The following ZIC2 variants were observed in gnomAD, a reference collection of about 807,000 sequenced individuals.
The protein encoded by ZIC2 is Zic family zinc finger 2.
Under a neutral mutation model 29.5 loss-of-function variants are expected in ZIC2, and 7 were observed. The ratio of observed to expected loss-of-function variants is 0.24; its 90% CI spans 0.14 to 0.45. ZIC2 has a LOEUF of 0.45. Among genes scored for constraint, ZIC2 ranks in the 20% least tolerant of loss-of-function variants. The pLI, the probability that ZIC2 is intolerant of heterozygous loss-of-function variation, is 1.00. For synonymous variants in ZIC2, 408 were observed against 354.2 expected (o/e 1.15, Z -1.70); for missense variants, 589 against 781.2 (o/e 0.75, Z 2.93).
chr13:99,983,825 G>T lies in ZIC2; in HGVS notation c.1075+686G>T, dbSNP rs537322052. On this transcript the variant is annotated intron_variant, in intron 1 of 2. Coordinates refer to ENST00000376335, the MANE Select transcript of ZIC2 (RefSeq NM_007129.5). The surrounding 1 kb of genome is among the most constrained non-coding windows in gnomAD (Gnocchi z 4.7). ...GTCAGCTAGAGCCCCAGGCAGCGCG[G>T]CCCCGCGGGGGGATCGCGTGAGAAG... 3.7e-4 allele frequency among the ~76,000 whole-genome samples: 56 copies of T among 152,360 alleles called. 1 individual carries two copies. The East Asian group carries it at 9.1e-3, about 25-fold the overall frequency.
chr13:99,982,556 G>C lies in ZIC2; in HGVS notation c.492G>C (p.Glu164Asp). Reference sequence around the variant, plus strand: ...ACCTCCTCTTCCCGGGCCTGCCAGAGCAGCACGGGCCGCACGGCTCGCAGA... The same window carrying C: ...ACCTCCTCTTCCCGGGCCTGCCAGACCAGCACGGGCCGCACGGCTCGCAGA... ...QGHLLFPGLP[E>D]QHGPHGSQNV... The change falls in exon 1 of 3, where the codon GAG (glutamate) becomes GAC (aspartate). Residue 164 changes from glutamate to aspartate, a missense_variant. By Grantham distance (45) the Glu-to-Asp change is conservative. Transcript: ENST00000376335. 6.4e-7 allele frequency: 1 copy of C among 1,553,860 alleles called. No individual in the cohort carries two copies. Among genetic ancestry groups the C allele is most frequent in the Non-Finnish European group, 8.7e-7 (1 of 1,154,240 alleles).
rs1166883330 is a variant in ZIC2 at position 99,982,670 on chromosome 13, C to T, written c.606C>T (p.Thr202=). ...EQYRQVASPR[T]DPYSAAQLHN... ...ACCGCCAGGTGGCCAGCCCGCGGACCGACCCCTACTCGGCGGCGCAACTCC... is the reference window on the plus strand; with the variant it reads ...ACCGCCAGGTGGCCAGCCCGCGGACTGACCCCTACTCGGCGGCGCAACTCC... Residue 202 remains threonine (T), a synonymous_variant, in exon 1 of 3, where the codon ACC becomes ACT. Coordinates refer to ENST00000376335, the MANE Select transcript of ZIC2 (RefSeq NM_007129.5). 1.3e-6 allele frequency: 2 copies of T among 1,599,958 alleles called. No homozygotes were observed. The highest frequency in any genetic ancestry group is 4.5e-5 in the East Asian group (2 of 44,816).
intron 1 of ZIC2, chr13:99,984,705 A>G: frequency 1.9e-6 from 1 of 523,422 alleles, no homozygotes; most frequent in Non-Finnish European, 3.5e-6. Flanking sequence ...ATTCCTGAGA[A>G]ATTTGAGGAG....
In ZIC2 at chr13:99,985,340, G is replaced by T. The variant is rs752861140; in HGVS notation, c.1257G>T (p.Pro419=). The change falls in exon 3 of 3, where the codon CCG becomes CCT. Residue 419 remains proline (P), a synonymous_variant. Transcript: ENST00000376335. The surrounding 1 kb of genome is among the most constrained non-coding windows in gnomAD (Gnocchi z 6.3). ...RKHMKVHESS[P]QGSESSPAAS... is the part of the protein sequence containing the mutation. The stretch of plus-strand genomic sequence containing the variant: ...TCTTGCAGGTCCATGAGTCCTCCCC[G>T]CAGGGCTCTGAATCCTCCCCGGCCG... 4 of 1,598,062 alleles carry T rather than the reference G, an allele frequency of 2.5e-6. No homozygotes were observed. Among genetic ancestry groups the T allele is most frequent in the Admixed American group, 1.7e-5 (1 of 59,984 alleles).
rs2053239191 is a variant in ZIC2 at position 99,982,376 on chromosome 13, C to T, written c.312C>T (p.His104=). 6.8e-7 allele frequency: 1 copy of T among 1,479,420 alleles called. No individual in the cohort carries two copies. Among genetic ancestry groups the T allele is most frequent in the Non-Finnish European group, 9.0e-7 (1 of 1,117,104 alleles). 91.6% of individuals were successfully genotyped at this position (1,479,420 alleles called of 1,614,324 possible). ...CAGCGCTCGGGCCCCACGCCGCGCA[C>T]GTTGGCTCCTACTCTGGGCCGCCCT... The part of the protein sequence containing the change: ...AAAALGPHAA[H]VGSYSGPPFN... The change falls in exon 1 of 3, where the codon CAC becomes CAT. Residue 104 remains histidine, a synonymous_variant. Coordinates refer to ENST00000376335, the MANE Select transcript of ZIC2 (RefSeq NM_007129.5).
rs1003499674 is a variant in ZIC2, at chr13:99,985,573, G to C, written c.1490G>C (p.Gly497Ala). 4.0e-6 allele frequency: 4 copies of C among 999,470 alleles called. No individual in the cohort carries two copies. The African/African-American group carries it at 7.0e-5, about 18-fold the overall frequency. The allele number at this position is 999,470 out of a possible 1,614,324, so 61.9% of individuals were successfully genotyped here. A position where few individuals can be genotyped will look rare whatever the true frequency, so the allele number is the denominator to read the frequency against. Residue 497 changes from glycine to alanine, a missense_variant, in exon 3 of 3, where the codon GGG becomes GCG. Around this residue, in one of 7 missense-constraint regions of ZIC2, gnomAD observed 135 missense variants for 136.7 expected, o/e 0.99. Coordinates refer to ENST00000376335, the MANE Select transcript of ZIC2 (RefSeq NM_007129.5). This position sits in a 1 kb window ranked among gnomAD's most constrained non-coding sequence, Gnocchi z 6.3. ...GGSGGGSGSG[G>A]GGGGAGGGGG... ...TCAGGCGGCGGCAGCGGCAGTGGCG[G>C]GGGCGGCGGCGGGGCGGGCGGCGGG...
chr13:99,985,195 G>GGGT lies in ZIC2; in HGVS notation c.1239+87_1239+89dup. 1 of 1,606,784 alleles carries GGGT rather than the reference G, an allele frequency of 6.2e-7. No individual in the cohort carries two copies. The highest frequency in any genetic ancestry group is 8.5e-7 in the Non-Finnish European group (1 of 1,176,020). On this transcript the variant is annotated intron_variant, in intron 2 of 2. Transcript: ENST00000376335. The surrounding 1 kb of genome is among the most constrained non-coding windows in gnomAD (Gnocchi z 6.3). Reference sequence around the variant, plus strand: ...CCGGACCACCTCAGCCGGCCTGGGAGGGTCCCCAGGGGCCAGGGCGGCGGG... The same window carrying GGGT: ...CCGGACCACCTCAGCCGGCCTGGGAGGGTGGTCCCCAGGGGCCAGGGCGGCGGG...
At position 99,985,852 on chromosome 13, in the gene ZIC2, T is replaced by TA. The variant is rs1555332502; in HGVS notation, c.*172dup. ...TTTTTTAAAGTTTTTTTTTTTTTTT[T>TA]AATAATAATCTAGGCATGAAGAGCA... On this transcript the variant is annotated 3_prime_UTR_variant, in exon 3 of 3. Transcript: ENST00000376335. The surrounding 1 kb of genome is among the most constrained non-coding windows in gnomAD (Gnocchi z 6.3). 77 of 250,500 alleles carry TA rather than the reference T, an allele frequency of 3.1e-4. No homozygotes were observed. Among genetic ancestry groups the TA allele is most frequent in the African/African-American group, 3.8e-4 (16 of 41,896 alleles). The allele number at this position is 250,500 out of a possible 1,614,324, so 15.5% of individuals were successfully genotyped here. A position where few individuals can be genotyped will look rare whatever the true frequency, so the allele number is the denominator to read the frequency against.
Position 99,985,112 on chromosome 13 carries a change from A to T in ZIC2, c.1239+3A>T. ...GCTCGCTGCGGAAGCACATGAAGGT[A>T]CCACCGCGGCGGCCGGGAGGAGGGC... On this transcript the variant is annotated splice_donor_region_variant and intron_variant, in intron 2 of 2. Coordinates refer to ENST00000376335, the MANE Select transcript of ZIC2 (RefSeq NM_007129.5). The surrounding 1 kb of genome is among the most constrained non-coding windows in gnomAD (Gnocchi z 6.3). 1 of 1,613,984 alleles carries T rather than the reference A, an allele frequency of 6.2e-7. No homozygotes were observed. The highest frequency in any genetic ancestry group is 8.5e-7 in the Non-Finnish European group (1 of 1,179,874).
rs935479693 is a variant in ZIC2 at position 99,985,485 on chromosome 13, G to A, written c.1402G>A (p.Ala468Thr). ...AGCGGCGGCGGCGGCTGCGGCGGCGGCGGCCGCGGTGTCCGCGGTGCACCG... is the reference window on the plus strand; with the variant it reads ...AGCGGCGGCGGCGGCTGCGGCGGCGACGGCCGCGGTGTCCGCGGTGCACCG... The part of the protein sequence containing the change: ...AAAAAAAAAA[A>T]AAVSAVHRGG... The change falls in exon 3 of 3, where the codon GCG (alanine) becomes ACG (threonine). Residue 468 changes from alanine (A) to threonine (T), a missense_variant. Physicochemically the swap from Ala to Thr is moderately conservative, Grantham distance 58. Transcript: ENST00000376335. This position sits in a 1 kb window ranked among gnomAD's most constrained non-coding sequence, Gnocchi z 6.3. 18 of 1,260,322 alleles carry A rather than the reference G, an allele frequency of 1.4e-5. No homozygotes were observed. Among genetic ancestry groups the A allele is most frequent in the Non-Finnish European group, 1.8e-5 (18 of 1,011,072 alleles). The allele number at this position is 1,260,322 out of a possible 1,614,324, so 78.1% of individuals were successfully genotyped here.
In ZIC2 at chr13:99,983,021, A is replaced by G. The variant is rs1448074291; in HGVS notation, c.957A>G (p.Lys319=). The change falls in exon 1 of 3, where the codon AAA becomes AAG. Residue 319 remains lysine, a synonymous_variant. Coordinates refer to ENST00000376335, the MANE Select transcript of ZIC2 (RefSeq NM_007129.5). The surrounding 1 kb of genome is among the most constrained non-coding windows in gnomAD (Gnocchi z 4.7). The part of the protein sequence containing the change: ...REGKPFKAKY[K]LVNHIRVHTG... ...GCAAGCCCTTCAAGGCCAAATACAAACTGGTCAACCACATCCGCGTGCACA... is the reference window on the plus strand; with the variant it reads ...GCAAGCCCTTCAAGGCCAAATACAAGCTGGTCAACCACATCCGCGTGCACA... The G allele has an allele frequency of 2.5e-6, 4 of 1,613,620 alleles. No homozygotes were observed. The highest frequency in any genetic ancestry group is 3.4e-6 in the Non-Finnish European group (4 of 1,179,878).
chr13:99,983,033 C>T lies in ZIC2; in HGVS notation c.969C>T (p.His323=). The T allele has an allele frequency of 6.2e-7, 1 of 1,614,194 alleles. No homozygotes were observed. Among genetic ancestry groups the T allele is most frequent in the Non-Finnish European group, 8.5e-7 (1 of 1,180,038 alleles). Residue 323 remains histidine, a synonymous_variant, in exon 1 of 3, where the codon CAC becomes CAT. Coordinates refer to ENST00000376335, the MANE Select transcript of ZIC2 (RefSeq NM_007129.5). The surrounding 1 kb of genome is among the most constrained non-coding windows in gnomAD (Gnocchi z 4.7). ...AGGCCAAATACAAACTGGTCAACCA[C>T]ATCCGCGTGCACACAGGCGAGAAAC... ...PFKAKYKLVN[H]IRVHTGEKPF...
chr13:99,985,923 T>C lies in ZIC2; in HGVS notation c.*241T>C, dbSNP rs2053266369. 5.7e-6 allele frequency: 2 copies of C among 350,914 alleles called. No individual in the cohort carries two copies. Among genetic ancestry groups the C allele is most frequent in the Admixed American group, 4.1e-5 (1 of 24,512 alleles). The allele number at this position is 350,914 out of a possible 1,614,324, so 21.7% of individuals were successfully genotyped here. A position where few individuals can be genotyped will look rare whatever the true frequency, so the allele number is the denominator to read the frequency against. On this transcript the variant is annotated 3_prime_UTR_variant, in exon 3 of 3. Transcript: ENST00000376335. The surrounding 1 kb of genome is among the most constrained non-coding windows in gnomAD (Gnocchi z 6.3). Reference sequence around the variant, plus strand: ...TTTGAAGCTGAAAATATAAAACAAATAAAAAATAAAAAAATAAAAACCCAC... The same window carrying C: ...TTTGAAGCTGAAAATATAAAACAAACAAAAAATAAAAAAATAAAAACCCAC...
At position 99,983,359 on chromosome 13, in the gene ZIC2, T is replaced by C. The variant is rs2053246411; in HGVS notation, c.1075+220T>C. ...GTGCGGAAATCGAGTTTTGAATGAT[T>C]AGCCTCACATCAAATGTATGCTTGG... On this transcript the variant is annotated intron_variant, in intron 1 of 2. Transcript: ENST00000376335. This position sits in a 1 kb window ranked among gnomAD's most constrained non-coding sequence, Gnocchi z 4.7. Among the ~76,000 whole-genome samples the C allele has an allele frequency of 6.6e-6, 1 of 152,236 alleles. No individual in the cohort carries two copies. Among genetic ancestry groups the C allele is most frequent in the African/African-American group, 2.4e-5 (1 of 41,460 alleles).
rs72656056 is a variant in ZIC2, at chr13:99,985,997, T to G, written c.*315T>G. 41,560 of 452,658 alleles carry G rather than the reference T, an allele frequency of 0.092. 2,411 individuals carry two copies. Among genetic ancestry groups the G allele is most frequent in the Non-Finnish European group, 0.12 (26,768 of 226,154 alleles). 28.0% of individuals were successfully genotyped at this position (452,658 alleles called of 1,614,324 possible). A position where few individuals can be genotyped will look rare whatever the true frequency, so the allele number is the denominator to read the frequency against. On this transcript the variant is annotated 3_prime_UTR_variant, in exon 3 of 3. Transcript: ENST00000376335. The surrounding 1 kb of genome is among the most constrained non-coding windows in gnomAD (Gnocchi z 6.3). ...TGCTAATCTCCATGCCCACGTTCTT[T>G]CCCACCCTGTTCCCAGTCTTCTGAC... is the stretch of plus-strand genomic sequence containing the variant.
Position 99,985,305 on chromosome 13 carries a change from CCGGCTT to C in ZIC2, c.1240-17_1240-12del. 1 of 1,598,904 alleles carries C rather than the reference CCGGCTT, an allele frequency of 6.3e-7. No individual in the cohort carries two copies. The highest frequency in any genetic ancestry group is 1.1e-5 in the South Asian group (1 of 91,078). On this transcript the variant is annotated splice_polypyrimidine_tract_variant and intron_variant, in intron 2 of 2. Coordinates refer to ENST00000376335, the MANE Select transcript of ZIC2 (RefSeq NM_007129.5). This position sits in a 1 kb window ranked among gnomAD's most constrained non-coding sequence, Gnocchi z 6.3. Reference sequence around the variant, plus strand: ...ACCCAGTCCCCTCTGGTCCCCCCTCCCGGCTTTTGTCTTGCAGGTCCATGAGTCCTC... The same window carrying C: ...ACCCAGTCCCCTCTGGTCCCCCCTCCTTGTCTTGCAGGTCCATGAGTCCTC...
chr13:99,985,475 TGCGGCGGCGGC>T lies in ZIC2; in HGVS notation c.1394_1404del (p.Ala465GlyfsTer61), dbSNP rs2053261402. On this transcript the variant is annotated frameshift_variant, in exon 3 of 3. Coordinates refer to ENST00000376335, the MANE Select transcript of ZIC2 (RefSeq NM_007129.5). LOFTEE classifies it high-confidence loss of function. This position sits in a 1 kb window ranked among gnomAD's most constrained non-coding sequence, Gnocchi z 6.3. The stretch of plus-strand genomic sequence containing the variant: ...CGGCGGCGGCAGCGGCGGCGGCGGC[TGCGGCGGCGGC>T]GGCCGCGGTGTCCGCGGTGCACCGG... The T allele has an allele frequency of 7.7e-7, 1 of 1,291,280 alleles. No homozygotes were observed. Among genetic ancestry groups the T allele is most frequent in the Non-Finnish European group, 9.7e-7 (1 of 1,028,080 alleles). 80.0% of individuals were successfully genotyped at this position (1,291,280 alleles called of 1,614,324 possible).
In ZIC2 at chr13:99,982,767, C is replaced by T; in HGVS notation, c.703C>T (p.His235Tyr). ...MAAAAAHHHH[H>Y]HHHHPGAFFR... ...AGCAGCCGCGGCCCACCACCACCAC[C>T]ACCACCACCACCACCCCGGTGCCTT... Residue 235 changes from histidine to tyrosine, a missense_variant, in exon 1 of 3, where the codon CAC becomes TAC. His to Tyr is a moderately conservative substitution (Grantham distance 83). Coordinates refer to ENST00000376335, the MANE Select transcript of ZIC2 (RefSeq NM_007129.5). 1.9e-6 allele frequency: 3 copies of T among 1,604,888 alleles called. No homozygotes were observed. The highest frequency in any genetic ancestry group is 2.5e-6 in the Non-Finnish European group (3 of 1,179,692).
chr13:99,984,638 A>G (rs1214965346), intron 1 of ZIC2: 5 of 414,576 alleles, frequency 1.2e-5, no homozygotes, highest in Non-Finnish European at 2.3e-5. Context: ...AACTTGTTAG[A>G]AGCTGCAAAT....
Sources: gnomAD v4.1 joint callset for allele counts (sites outside exome capture counted in the v4.1 genomes callset) on GRCh38, gnomAD v4.1.1 for gene constraint, gnomAD v4.1.1 regional missense constraint, Gnocchi (gnomAD v3.1) non-coding constraint, MANE v1.5 for transcripts, NCBI Gene and HGNC (gene_info 2026-07-23, HGNC 2026-07-21) for gene names.